The following RAPGEF4 variants were observed in gnomAD, a reference collection of about 807,000 sequenced individuals.
RAPGEF4 encodes the protein Rap guanine nucleotide exchange factor 4.
RAPGEF4 carries 66 observed loss-of-function variants against 147.9 expected under a neutral mutation model. The ratio of observed to expected loss-of-function variants is 0.45; its 90% CI spans 0.37 to 0.55. RAPGEF4 has a LOEUF of 0.55. RAPGEF4 is among the 20% of genes least tolerant of loss of function. RAPGEF4 has a pLI of 0.00. For synonymous variants in RAPGEF4, 419 were observed against 442.7 expected (o/e 0.95, Z 0.67); for missense variants, 1,071 against 1,257.3 (o/e 0.85, Z 2.24).
At chr2:172,778,865 T>TA (rs756053130) in intron 1 of RAPGEF4, among the ~76,000 whole-genome samples, 1 of 152,138 alleles carries the variant, frequency 6.6e-6, no homozygotes, top group South Asian at 2.1e-4. Context: ...GTTATTCATT[T>TA]AAAAAAATCA....
Position 173,027,219 on chromosome 2 carries a change from C to T in RAPGEF4, c.2518C>T (p.Arg840Cys). 1.2e-6 allele frequency: 2 copies of T among 1,603,912 alleles called. No homozygotes were observed. Among genetic ancestry groups the T allele is most frequent in the Non-Finnish European group, 1.7e-6 (2 of 1,177,464 alleles). The change falls in exon 25 of 31, where the codon CGT (arginine) becomes TGT (cysteine). Residue 840 changes from arginine to cysteine, a missense_variant. Arg to Cys is a radical substitution (Grantham distance 180). Coordinates refer to ENST00000397081, the MANE Select transcript of RAPGEF4 (RefSeq NM_007023.4). Reference sequence around the variant, plus strand: ...CTGCCTTTGTTCTCAGCTCAGCAAGCGTGTTCAGCTATTAAAAAAATTTAT... The same window carrying T: ...CTGCCTTTGTTCTCAGCTCAGCAAGTGTGTTCAGCTATTAAAAAAATTTAT... ...EICLCSQLSK[R>C]VQLLKKFIKI... is the part of the protein sequence containing the mutation.
At chr2:172,973,639 C>T (rs1690753045) in intron 10 of RAPGEF4, among the ~76,000 whole-genome samples, 1 of 152,080 alleles carries the variant, frequency 6.6e-6, no homozygotes, top group East Asian at 1.9e-4. Flanking sequence ...GCCATGCCCT[C>T]TGTGTACGTT....
intron 1 of RAPGEF4, among the ~76,000 whole-genome samples, chr2:172,755,416 C>T (rs1321236194): frequency 1.3e-4 from 19 of 151,778 alleles, no homozygotes; most frequent in African/African-American, 2.4e-5. Context: ...TTATTTGAGA[C>T]GAAGTTGCAC....
intron 6 of RAPGEF4, among the ~76,000 whole-genome samples, chr2:172,943,117 C>T (rs1687334440): frequency 6.6e-6 from 1 of 152,062 alleles, no homozygotes; most frequent in Non-Finnish European, 1.5e-5. Flanking sequence ...GGGGCAAAAC[C>T]TCCAAAACAA....
At chr2:172,933,850 C>A (rs1386940995) in intron 6 of RAPGEF4, among the ~76,000 whole-genome samples, 2 of 152,150 alleles carry the variant, frequency 1.3e-5, no homozygotes, top group African/African-American at 4.8e-5. Context: ...TAATAGACAT[C>A]CTCAGGGACC....
intron 4 of RAPGEF4, among the ~76,000 whole-genome samples, chr2:172,843,308 A>T (rs1006708898): frequency 4.6e-5 from 7 of 152,214 alleles, no homozygotes; most frequent in Non-Finnish European, 7.3e-5. Flanking sequence ...GCTAAGTAAA[A>T]ATATAGGCTC....
chr2:172,910,195 T>C (rs1326324933), intron 4 of RAPGEF4, among the ~76,000 whole-genome samples: 1 of 152,228 alleles, frequency 6.6e-6, no homozygotes, highest in African/African-American at 2.4e-5. Context: ...CACATAGACA[T>C]GGTGCCATCT....
At chr2:172,949,794 AG>A (rs1250511448) in intron 6 of RAPGEF4, among the ~76,000 whole-genome samples, 1 of 152,244 alleles carries the variant, frequency 6.6e-6, no homozygotes, top group African/African-American at 2.4e-5. Context: ...ATGTTTGCAC[AG>A]GTATTTTTAT....
intron 1 of RAPGEF4, among the ~76,000 whole-genome samples, chr2:172,762,062 C>T (rs1043881128): frequency 6.6e-6 from 1 of 152,178 alleles, no homozygotes; most frequent in African/African-American, 2.4e-5. Flanking sequence ...GCGGAGGTTG[C>T]AGTGAGCCAA....
intron 4 of RAPGEF4, among the ~76,000 whole-genome samples, chr2:172,901,198 A>C (rs562373540): frequency 2.2e-4 from 34 of 152,354 alleles, no homozygotes; most frequent in African/African-American, 7.7e-4. Context: ...TTTAAAACTA[A>C]ATTTTCACCA....
intron 4 of RAPGEF4, among the ~76,000 whole-genome samples, chr2:172,911,633 A>C (rs1220712567): frequency 1.3e-5 from 2 of 149,748 alleles, no homozygotes; most frequent in African/African-American, 4.9e-5. Context: ...TAATTTCTGT[A>C]TTTTTAGTAG....
rs564434178 is a variant in RAPGEF4, at chr2:173,011,170, G to GCGCGCGCGCACA, written c.1659-3293_1659-3292insGCGCGCGCACAC. Among the ~76,000 whole-genome samples the GCGCGCGCGCACA allele has an allele frequency of 3.1e-3, 412 of 133,544 alleles. 4 individuals are homozygous for GCGCGCGCGCACA. Among genetic ancestry groups the GCGCGCGCGCACA allele is most frequent in the Middle Eastern group, 0.012 (3 of 252 alleles). The allele number at this position is 133,544 out of a possible 152,430, so 87.6% of individuals were successfully genotyped here. A position where few individuals can be genotyped will look rare whatever the true frequency, so the allele number is the denominator to read the frequency against. The stretch of plus-strand genomic sequence containing the variant: ...AACCTTGGAACTTCAGCGCGCGCGC[G>GCGCGCGCGCACA]CACACACACACACACACACACACAC... On this transcript the variant is annotated intron_variant, in intron 17 of 30. Coordinates refer to ENST00000397081, the MANE Select transcript of RAPGEF4 (RefSeq NM_007023.4).
At chr2:172,934,593 A>T (rs573642746) in intron 6 of RAPGEF4, among the ~76,000 whole-genome samples, 22 of 152,326 alleles carry the variant, frequency 1.4e-4, no homozygotes, top group African/African-American at 5.3e-4. Context: ...GGAGAGAGTT[A>T]GGTAAACAGA....
At chr2:172,937,750 C>G (rs1050542727) in intron 6 of RAPGEF4, among the ~76,000 whole-genome samples, 2 of 152,004 alleles carry the variant, frequency 1.3e-5, no homozygotes, top group African/African-American at 4.8e-5. Context: ...TTTGGAATTC[C>G]TCTGTGAGGG....
intron 1 of RAPGEF4, among the ~76,000 whole-genome samples, chr2:172,767,475 G>A (rs984720805): frequency 7.9e-5 from 12 of 151,958 alleles, no homozygotes; most frequent in African/African-American, 1.9e-4. Flanking sequence ...CACTGAGCCC[G>A]GCCTAAATAC....
chr2:172,834,426 A>G (rs1337630418), intron 4 of RAPGEF4, among the ~76,000 whole-genome samples: 1 of 152,234 alleles, frequency 6.6e-6, no homozygotes, highest in Non-Finnish European at 1.5e-5. Context: ...ATAAAGGCAG[A>G]GGAAGAGAAC....
In RAPGEF4 at chr2:172,961,185, C is replaced by T. The variant is rs1162065502; in HGVS notation, c.655C>T (p.Pro219Ser). The T allele has an allele frequency of 1.2e-6, 2 of 1,612,656 alleles. No homozygotes were observed. The highest frequency in any genetic ancestry group is 2.7e-5 in the African/African-American group (2 of 74,892). Residue 219 changes from proline to serine, a missense_variant, in exon 8 of 31, where the codon CCT becomes TCT. Pro to Ser is a moderately conservative substitution (Grantham distance 74, BLOSUM62 -1). Coordinates refer to ENST00000397081, the MANE Select transcript of RAPGEF4 (RefSeq NM_007023.4). ...ACGAAATGCCATTCTCTCTCGAGCA[C>T]CTCACATGATAAGAGATAGAAAATA... ...ILRNAILSRA[P>S]HMIRDRKYHL...
chr2:172,831,147 A>G (rs150437757), intron 4 of RAPGEF4, among the ~76,000 whole-genome samples: 79 of 151,858 alleles, frequency 5.2e-4, no homozygotes, highest in African/African-American at 1.8e-3. Context: ...GTTTTCATTT[A>G]CTTGTTCCAT....
In RAPGEF4 at chr2:172,971,381, A is replaced by C. The variant is rs182666799; in HGVS notation, c.1004+3937A>C. The stretch of plus-strand genomic sequence containing the variant: ...TTCCCAAATCAAAATTTAGGTCTGC[A>C]GTTCTGAAAATGCCTAACAGTAGAA... On this transcript the variant is annotated intron_variant, in intron 10 of 30. Coordinates refer to ENST00000397081, the MANE Select transcript of RAPGEF4 (RefSeq NM_007023.4). Among the ~76,000 whole-genome samples, 33 of 152,320 alleles carry C rather than the reference A, an allele frequency of 2.2e-4. No homozygotes were observed. In the East Asian group the frequency reaches 5.6e-3, roughly 26 times the overall value.
Sources: gnomAD v4.1 joint callset for allele counts (sites outside exome capture counted in the v4.1 genomes callset) on GRCh38, gnomAD v4.1.1 for gene constraint, MANE v1.5 for transcripts, NCBI Gene and HGNC (gene_info 2026-07-23, HGNC 2026-07-21) for gene names.